The following PTPRN2 variants were observed in gnomAD, a reference collection of about 807,000 sequenced individuals.
PTPRN2 encodes protein tyrosine phosphatase receptor type N2.
A neutral mutation model predicts 118.8 loss-of-function variants in PTPRN2; 74 were observed. The ratio of observed to expected loss-of-function variants is 0.62; its 90% confidence interval spans 0.52 to 0.76. PTPRN2 has a LOEUF of 0.76. Among genes scored for constraint, PTPRN2 ranks in the 30% least tolerant of loss-of-function variants. PTPRN2 has a pLI of 0.00. For synonymous variants in PTPRN2, 641 were observed against 608.0 expected, an observed-to-expected ratio of 1.05 and a Z score of -0.80; for missense variants, 1,481 against 1,394.4, an observed-to-expected ratio of 1.06 and a Z score of -0.99.
chr7:158,373,874 G>A (rs550814576), intron 2 of PTPRN2, among the ~76,000 whole-genome samples: 6 of 152,300 alleles, frequency 3.9e-5, no homozygotes, highest in Middle Eastern at 3.4e-3. Context: ...GGGCCCTCCC[G>A]TCTCTCTGCG....
chr7:158,121,074 C>A (rs62480205), intron 9 of PTPRN2, among the ~76,000 whole-genome samples: 2 of 152,164 alleles, frequency 1.3e-5, no homozygotes, highest in African/African-American at 4.8e-5. Flanking sequence ...TCCTTCCTCC[C>A]GGCTCCTGTG....
chr7:158,433,905 A>G (rs1816396490), intron 2 of PTPRN2, among the ~76,000 whole-genome samples: 1 of 152,200 alleles, frequency 6.6e-6, no homozygotes, highest in African/African-American at 2.4e-5. Flanking sequence ...TTCAGTTCAC[A>G]ATATTTTCAG....
intron 14 of PTPRN2, among the ~76,000 whole-genome samples, chr7:157,630,151 C>CTATG (rs1175783165): frequency 6.6e-6 from 1 of 152,184 alleles, no homozygotes; most frequent in Non-Finnish European, 1.5e-5. Context: ...GCACACACAG[C>CTATG]TATGGGGGCT....
intron 1 of PTPRN2, among the ~76,000 whole-genome samples, chr7:158,552,750 T>A (rs993028495): frequency 5.9e-5 from 9 of 152,222 alleles, no homozygotes; most frequent in Non-Finnish European, 7.3e-5. Flanking sequence ...CATGGCCCGA[T>A]ACTTTCATAA....
At chr7:157,678,780 G>A (rs1796786529) in intron 13 of PTPRN2, among the ~76,000 whole-genome samples, 1 of 152,166 alleles carries the variant, frequency 6.6e-6, no homozygotes, top group Non-Finnish European at 1.5e-5. Context: ...AAGAGAACTT[G>A]CTGAAAATTC....
chr7:158,118,523 A>G (rs1218203626), intron 9 of PTPRN2, among the ~76,000 whole-genome samples: 1 of 152,224 alleles, frequency 6.6e-6, no homozygotes, highest in Non-Finnish European at 1.5e-5. Flanking sequence ...AACAAATATT[A>G]AAATGACAGA....
At chr7:157,717,662 C>T (rs1443293044) in intron 12 of PTPRN2, among the ~76,000 whole-genome samples, 1 of 152,274 alleles carries the variant, frequency 6.6e-6, no homozygotes, top group Non-Finnish European at 1.5e-5. Context: ...AGCGGCCAAC[C>T]CAGCCTCTTC....
chr7:158,322,698 G>T (rs1803140270), intron 2 of PTPRN2, among the ~76,000 whole-genome samples: 1 of 152,250 alleles, frequency 6.6e-6, no homozygotes, highest in Non-Finnish European at 1.5e-5. Context: ...CACCAAGCTG[G>T]TCAAGCCACT....
At chr7:157,722,055 A>G (rs757365212) in intron 12 of PTPRN2, among the ~76,000 whole-genome samples, 26 of 151,922 alleles carry the variant, frequency 1.7e-4, no homozygotes, top group Non-Finnish European at 3.4e-4. Context: ...GCCACCAACC[A>G]AGAAACATTG....
intron 4 of PTPRN2, among the ~76,000 whole-genome samples, chr7:158,201,391 C>G (rs865882987): frequency 2.6e-5 from 4 of 152,086 alleles, no homozygotes; most frequent in Non-Finnish European, 5.9e-5. Flanking sequence ...CCCTATATAT[C>G]GTGACTGACT....
At chr7:158,164,231 G>C (rs887081131) in intron 6 of PTPRN2, among the ~76,000 whole-genome samples, 3 of 152,096 alleles carry the variant, frequency 2.0e-5, no homozygotes, top group East Asian at 1.9e-4. Context: ...GCGCAGGAAG[G>C]GCTCGCAGAG....
chr7:158,102,481 A>G (rs1276339516), intron 10 of PTPRN2, among the ~76,000 whole-genome samples: 2 of 152,018 alleles, frequency 1.3e-5, no homozygotes, highest in South Asian at 4.1e-4. Flanking sequence ...CTTCTTTTCC[A>G]TGGCCCTCAA....
In PTPRN2 at chr7:157,623,569, C is replaced by T. The variant is rs553870944; in HGVS notation, c.2197-2060G>A. Among the ~76,000 whole-genome samples the T allele has an allele frequency of 8.5e-5, 13 of 152,316 alleles. 1 individual carries two copies. The South Asian group carries it at 2.5e-3, about 29-fold the overall frequency. ...ATATTATCTTAATTCGTATAAACTA[C>T]AGCTATTTAAATTCTCACATTTATC... is the stretch of plus-strand genomic sequence containing the variant. On this transcript the variant is annotated intron_variant, in intron 14 of 22. Coordinates refer to ENST00000389418, the MANE Select transcript of PTPRN2 (RefSeq NM_002847.5).
chr7:157,588,037 C>T (rs1002117108), intron 17 of PTPRN2, among the ~76,000 whole-genome samples: 3 of 151,864 alleles, frequency 2.0e-5, no homozygotes, highest in Admixed American at 6.6e-5. Flanking sequence ...CCTGGGCTCC[C>T]GTGGTGGCTG....
At chr7:158,372,665 T>C (rs950334421) in intron 2 of PTPRN2, among the ~76,000 whole-genome samples, 1 of 151,910 alleles carries the variant, frequency 6.6e-6, no homozygotes, top group African/African-American at 2.4e-5. Flanking sequence ...GGAGCTGATC[T>C]CCACCACGCT....
intron 3 of PTPRN2, among the ~76,000 whole-genome samples, chr7:158,247,158 G>A (rs1443490051): frequency 1.3e-5 from 2 of 152,162 alleles, no homozygotes; most frequent in Admixed American, 6.5e-5. Flanking sequence ...CATAGCCCCT[G>A]CATCTCACTA....
chr7:158,120,674 G>C (rs934655361), intron 9 of PTPRN2, among the ~76,000 whole-genome samples: 1 of 152,154 alleles, frequency 6.6e-6, no homozygotes, highest in African/African-American at 2.4e-5. Context: ...GAAGGGGAGG[G>C]GTCCCAGATG....
At chr7:158,207,004 T>C (rs1345082347) in intron 3 of PTPRN2, among the ~76,000 whole-genome samples, 21 of 135,166 alleles carry the variant, frequency 1.6e-4, no homozygotes, top group Admixed American at 1.5e-3. Context: ...TTCCCCTTCC[T>C]GTGTCCATGT....
chr7:157,829,116 G>C (rs1438190775), intron 12 of PTPRN2, among the ~76,000 whole-genome samples: 1 of 152,256 alleles, frequency 6.6e-6, no homozygotes, highest in African/African-American at 2.4e-5. Flanking sequence ...TGAGCCGTGA[G>C]CTTTGATTCT....
Sources: gnomAD v4.1 joint callset for allele counts (sites outside exome capture counted in the v4.1 genomes callset) on GRCh38, gnomAD v4.1.1 for gene constraint, MANE v1.5 for transcripts, NCBI Gene and HGNC (gene_info 2026-07-23, HGNC 2026-07-21) for gene names.